GPC5: variants seen among roughly 807,000 people sequenced by gnomAD.
GPC5 encodes glypican-5.
In GPC5, 47 loss-of-function variants were observed where a neutral mutation model predicts 53.9. The ratio of observed to expected loss-of-function variants is 0.87; its 90% CI spans 0.69 to 1.11. The LOEUF is 1.11. Ranked by LOEUF, GPC5 falls within the 50% of genes most tolerant of loss-of-function variation. The pLI, the probability that GPC5 is intolerant of heterozygous loss-of-function variation, is 0.00. For missense variants in GPC5, 748 were observed against 713.1 expected (o/e 1.05, Z -0.56); for synonymous variants, 286 against 263.3 (o/e 1.09, Z -0.84).
chr13:91,703,116 C>A (rs1426579132), intron 3 of GPC5, among the ~76,000 whole-genome samples: 2 of 151,888 alleles, frequency 1.3e-5, no homozygotes, highest in Non-Finnish European at 2.9e-5. Context: ...ATCATGTTAT[C>A]TGAAAAGAGG....
intron 7 of GPC5, among the ~76,000 whole-genome samples, chr13:92,391,061 T>C (rs990612511): frequency 6.6e-6 from 1 of 152,178 alleles, no homozygotes; most frequent in African/African-American, 2.4e-5. Flanking sequence ...TTTTTGACTT[T>C]TTAATTTGCT....
intron 7 of GPC5, among the ~76,000 whole-genome samples, chr13:92,239,193 C>T (rs542005011): frequency 4.5e-4 from 66 of 147,408 alleles, no homozygotes; most frequent in African/African-American, 1.5e-3. Flanking sequence ...TATTTGATTT[C>T]CCTTGAATTT....
chr13:91,787,361 G>T (rs2037896180), intron 5 of GPC5, among the ~76,000 whole-genome samples: 1 of 152,070 alleles, frequency 6.6e-6, no homozygotes, highest in South Asian at 2.1e-4. Flanking sequence ...GAGATTCTTA[G>T]TTTGCTTAGA....
chr13:91,643,355 A>G (rs1354514226), intron 2 of GPC5, among the ~76,000 whole-genome samples: 1 of 152,222 alleles, frequency 6.6e-6, no homozygotes, highest in Non-Finnish European at 1.5e-5. Flanking sequence ...ATTTAACATC[A>G]TGGATAATTT....
Position 91,693,509 on chromosome 13 carries a change from G to A in GPC5, c.648G>A (p.Gly216=). The change falls in exon 3 of 8, where the codon GGG becomes GGA. Residue 216 remains glycine, a synonymous_variant. Transcript: ENST00000377067. The part of the protein sequence containing the change: ...NIPQRVMGQM[G]RSLLPSRTFL... ...CCCAAAGAGTAATGGGACAGATGGG[G>A]AGGTCCCTGCTGCCCAGCCGCACTT... The A allele has an allele frequency of 6.2e-7, 1 of 1,614,146 alleles. No individual in the cohort carries two copies. Among genetic ancestry groups the A allele is most frequent in the East Asian group, 2.2e-5 (1 of 44,848 alleles).
chr13:92,852,438 GCAA>G (rs771274262), intron 7 of GPC5, among the ~76,000 whole-genome samples: 93 of 152,158 alleles, frequency 6.1e-4, no homozygotes, highest in Non-Finnish European at 1.8e-4. Context: ...CTTGATAAAT[GCAA>G]CAACAACTAT....
intron 7 of GPC5, among the ~76,000 whole-genome samples, chr13:92,384,790 G>A (rs549503072): frequency 5.3e-5 from 8 of 152,204 alleles, no homozygotes; most frequent in Middle Eastern, 3.4e-3. Flanking sequence ...TCTTTCACCC[G>A]TGTGCCATTG....
intron 3 of GPC5, among the ~76,000 whole-genome samples, chr13:91,724,248 G>T (rs970777988): frequency 2.0e-5 from 3 of 152,074 alleles, no homozygotes; most frequent in Non-Finnish European, 4.4e-5. Context: ...TTTTATTTAT[G>T]TATCATTATT....
chr13:91,886,110 A>T (rs2039319183), intron 5 of GPC5, among the ~76,000 whole-genome samples: 1 of 152,174 alleles, frequency 6.6e-6, no homozygotes, highest in Admixed American at 6.5e-5. Context: ...TAAAGAAAAA[A>T]AGGTTTAATG....
At chr13:91,828,619 A>G (rs186250021) in intron 5 of GPC5, among the ~76,000 whole-genome samples, 33 of 152,122 alleles carry the variant, frequency 2.2e-4, no homozygotes, top group Admixed American at 4.6e-4. Flanking sequence ...ATTTTTTTCC[A>G]GAAAGTAAAT....
chr13:91,478,003 A>T (rs1883026081), intron 2 of GPC5, among the ~76,000 whole-genome samples: 1 of 152,110 alleles, frequency 6.6e-6, no homozygotes, highest in Non-Finnish European at 1.5e-5. Flanking sequence ...TTCATGTAGA[A>T]CATTTTTCCT....
At chr13:91,464,670 G>A (rs961309941) in intron 2 of GPC5, among the ~76,000 whole-genome samples, 1 of 152,126 alleles carries the variant, frequency 6.6e-6, no homozygotes, top group Non-Finnish European at 1.5e-5. Context: ...GTTCCCTGGG[G>A]TTAGGGACGG....
chr13:92,657,120 A>C (rs1393716031), intron 7 of GPC5, among the ~76,000 whole-genome samples: 5 of 152,246 alleles, frequency 3.3e-5, no homozygotes. Context: ...CTCTCATTAG[A>C]TGGTGAATAT....
chr13:92,712,766 G>T (rs1040022835), intron 7 of GPC5, among the ~76,000 whole-genome samples: 3 of 152,226 alleles, frequency 2.0e-5, no homozygotes, highest in African/African-American at 7.2e-5. Context: ...TTTGAGATAG[G>T]GCCTTTAAAG....
At chr13:92,234,474 G>A (rs2042554998) in intron 7 of GPC5, among the ~76,000 whole-genome samples, 1 of 152,150 alleles carries the variant, frequency 6.6e-6, no homozygotes, top group Admixed American at 6.5e-5. Context: ...AGCCTCACAA[G>A]AGAGTGAGGA....
chr13:92,650,707 T>C (rs1885928456), intron 7 of GPC5, among the ~76,000 whole-genome samples: 1 of 152,138 alleles, frequency 6.6e-6, no homozygotes, highest in African/African-American at 2.4e-5. Flanking sequence ...TGCCCATTAA[T>C]GGACTTAAAA....
intron 6 of GPC5, among the ~76,000 whole-genome samples, chr13:91,956,196 C>G (rs2040072047): frequency 6.6e-6 from 1 of 152,020 alleles, no homozygotes; most frequent in Admixed American, 6.5e-5. Flanking sequence ...AGCATGCCAC[C>G]TGGTGGCATG....
At chr13:91,907,503 T>TTATATATATATA (rs369447673) in intron 5 of GPC5, among the ~76,000 whole-genome samples, 2,313 of 129,422 alleles carry the variant, frequency 0.018, 34 homozygotes, top group Non-Finnish European at 0.02. Flanking sequence ...CTCTCTCTCT[T>TTATATATATATA]TATATATATA....
intron 7 of GPC5, among the ~76,000 whole-genome samples, chr13:92,272,716 A>G (rs9523575): frequency 0.14 from 20,586 of 152,178 alleles, 1,701 homozygotes; most frequent in African/African-American, 0.23. Context: ...CCTTGTTGAC[A>G]ACGAGAAAAG....
Sources: allele counts gnomAD v4.1 joint callset (sites outside exome capture counted in the v4.1 genomes callset), GRCh38; gene constraint gnomAD v4.1.1; transcripts MANE v1.5; gene names NCBI Gene and HGNC (gene_info 2026-07-23, HGNC 2026-07-21).